The following STARD13 variants were observed in gnomAD, a reference collection of about 807,000 sequenced individuals.
STARD13 encodes the protein stAR-related lipid transfer protein 13.
STARD13 carries 62 observed loss-of-function variants against 106.4 expected under a neutral mutation model. That is an observed-to-expected ratio of 0.58 (90% CI 0.48 to 0.72). The LOEUF (loss-of-function observed/expected upper bound fraction) is 0.72, where lower values mean the gene tolerates loss of function less well. Among genes scored for constraint, STARD13 ranks in the 30% least tolerant of loss-of-function variants. The pLI is 0.00. For missense variants in STARD13, 1,387 were observed against 1,424.0 expected (o/e 0.97, Z 0.42); for synonymous variants, 565 against 553.0 (o/e 1.02, Z -0.31).
intron 1 of STARD13, among the ~76,000 whole-genome samples, chr13:33,350,052 C>G (rs2138622682): frequency 6.6e-6 from 1 of 152,286 alleles, no homozygotes; most frequent in Admixed American, 6.5e-5. Context: ...CATGGAGCAC[C>G]AGGCCTGGCT....
chr13:33,422,796 C>T, the STARD13 span, among the ~76,000 whole-genome samples: 2 of 152,152 alleles, frequency 1.3e-5, no homozygotes, highest in Non-Finnish European at 2.9e-5. Flanking sequence ...CACCACACAT[C>T]TACAACCATC....
the STARD13 span, among the ~76,000 whole-genome samples, chr13:33,469,233 C>T: frequency 6.6e-6 from 1 of 152,158 alleles, no homozygotes; most frequent in Admixed American, 6.6e-5. Flanking sequence ...GTTCAGGAAA[C>T]TTATGCAATG....
chr13:33,143,542 C>A (rs750299981), intron 3 of STARD13, among the ~76,000 whole-genome samples: 8 of 151,988 alleles, frequency 5.3e-5, no homozygotes, highest in African/African-American at 1.9e-4. Context: ...TGTTTCCAGT[C>A]GTTTCTTTTG....
At chr13:33,667,133 A>T in the STARD13 span, among the ~76,000 whole-genome samples, 42 of 152,362 alleles carry the variant, frequency 2.8e-4, 1 homozygote, top group East Asian at 8.1e-3. Flanking sequence ...CACATTGTTC[A>T]TTCTTGCCAT....
chr13:33,194,126 C>T (rs1886446499), intron 1 of STARD13, among the ~76,000 whole-genome samples: 1 of 152,148 alleles, frequency 6.6e-6, no homozygotes, highest in South Asian at 2.1e-4. Context: ...GATGCATACT[C>T]TTCTAGCTCT....
chr13:33,197,937 G>A (rs1013038177), intron 1 of STARD13, among the ~76,000 whole-genome samples: 5 of 152,210 alleles, frequency 3.3e-5, no homozygotes, highest in African/African-American at 7.2e-5. Context: ...TTAGGAGGCC[G>A]AGATGGGCGG....
At chr13:33,346,350 A>G (rs994737226), downstream of STARD13, among the ~76,000 whole-genome samples, 1 of 152,190 alleles carries the variant, frequency 6.6e-6, no homozygotes, top group Admixed American at 6.5e-5. Flanking sequence ...TAACTGGTTT[A>G]GTTCGGTTTG....
At chr13:33,524,222 G>A in the STARD13 span, 5 of 1,273,252 alleles carry the variant, frequency 3.9e-6, no homozygotes, top group Non-Finnish European at 5.1e-6. Context: ...GCATATGTAA[G>A]AAAACTAAAA....
chr13:33,202,208 C>T (rs1217101448), intron 1 of STARD13, among the ~76,000 whole-genome samples: 1 of 152,160 alleles, frequency 6.6e-6, no homozygotes, highest in Non-Finnish European at 1.5e-5. Context: ...GTTTAGTTAC[C>T]TAACTATGAT....
At chr13:33,180,695 G>A (rs1303856132) in intron 1 of STARD13, among the ~76,000 whole-genome samples, 1 of 152,148 alleles carries the variant, frequency 6.6e-6, no homozygotes, top group African/African-American at 2.4e-5. Flanking sequence ...TATATTCAGG[G>A]ATCTGCTTTG....
intron 1 of STARD13, among the ~76,000 whole-genome samples, chr13:33,199,743 C>G (rs1886881889): frequency 6.6e-6 from 1 of 152,174 alleles, no homozygotes; most frequent in Non-Finnish European, 1.5e-5. Flanking sequence ...CAGGATGCCT[C>G]AGTGTTACAT....
chr13:33,130,984 G>A lies in STARD13; in HGVS notation c.388-695C>T, dbSNP rs1345464550. On this transcript the variant is annotated intron_variant, in intron 4 of 13. Transcript: ENST00000336934. This position sits in a 1 kb window ranked among gnomAD's most constrained non-coding sequence, Gnocchi z 4.1. ...CGAGTCAGAATGCCGTTGGCAGGAC[G>A]CACACCTCTGTGTGGCTGCAGTGGG... Among the ~76,000 whole-genome samples, 5 of 152,308 alleles carry A rather than the reference G, an allele frequency of 3.3e-5. No individual in the cohort carries two copies. Among genetic ancestry groups the A allele is most frequent in the Admixed American group, 6.5e-5 (1 of 15,304 alleles).
the STARD13 span, among the ~76,000 whole-genome samples, chr13:33,570,936 G>A: frequency 6.6e-6 from 1 of 152,110 alleles, no homozygotes; most frequent in Non-Finnish European, 1.5e-5. Context: ...GAAAGATATG[G>A]CTTGAGGGAG....
chr13:33,551,815 C>T, the STARD13 span, among the ~76,000 whole-genome samples: 1 of 151,812 alleles, frequency 6.6e-6, no homozygotes, highest in Non-Finnish European at 1.5e-5. Flanking sequence ...CCAGGCTGGT[C>T]TTGAGCTCCT....
the STARD13 span, among the ~76,000 whole-genome samples, chr13:33,571,721 A>G: frequency 6.6e-6 from 1 of 152,246 alleles, no homozygotes; most frequent in Non-Finnish European, 1.5e-5. Context: ...TGCAGGGTCC[A>G]GGGATGAGAT....
chr13:33,627,163 A>G, the STARD13 span, among the ~76,000 whole-genome samples: 2 of 152,234 alleles, frequency 1.3e-5, no homozygotes, highest in African/African-American at 4.8e-5. Context: ...TTTCCCAAGT[A>G]GCAGAATTAG....
chr13:33,641,923 A>G, the STARD13 span, among the ~76,000 whole-genome samples: 1 of 152,238 alleles, frequency 6.6e-6, no homozygotes, highest in African/African-American at 2.4e-5. Flanking sequence ...AAAAAGAAAT[A>G]CTGACTCTGT....
the STARD13 span, among the ~76,000 whole-genome samples, chr13:33,449,176 G>A: frequency 6.6e-6 from 1 of 151,862 alleles, no homozygotes; most frequent in African/African-American, 2.4e-5. Context: ...TCCTGGTGTA[G>A]GATATTTTTC....
the STARD13 span, among the ~76,000 whole-genome samples, chr13:33,418,086 T>C: frequency 6.6e-6 from 1 of 151,932 alleles, no homozygotes; most frequent in South Asian, 2.1e-4. Context: ...TTGGTACTGG[T>C]TGGACAGTGG....
Sources: gnomAD v4.1 joint callset for allele counts (sites outside exome capture counted in the v4.1 genomes callset) on GRCh38, gnomAD v4.1.1 for gene constraint, Gnocchi (gnomAD v3.1) non-coding constraint, MANE v1.5 for transcripts, NCBI Gene and HGNC (gene_info 2026-07-23, HGNC 2026-07-21) for gene names.